ELP4: variants seen among roughly 807,000 people sequenced by gnomAD.
ELP4 encodes the protein elongator complex protein 4.
ELP4 carries 51 observed loss-of-function variants against 48.9 expected under a neutral mutation model. That is an observed-to-expected ratio of 1.04 (90% CI 0.83 to 1.32). ELP4 has a LOEUF of 1.32. Ranked by LOEUF, ELP4 falls within the 40% of genes most tolerant of loss-of-function variation. ELP4 has a pLI of 0.00. For synonymous variants in ELP4, 210 were observed against 189.2 expected (o/e 1.11, Z -0.90); for missense variants, 519 against 514.6 (o/e 1.01, Z -0.08).
intron 3 of ELP4, among the ~76,000 whole-genome samples, chr11:31,545,249 G>A (rs993911497): frequency 8.5e-5 from 13 of 152,094 alleles, no homozygotes; most frequent in Admixed American, 3.3e-4. Flanking sequence ...AAATTGAGAC[G>A]AATGTATAAC....
intron 3 of ELP4, among the ~76,000 whole-genome samples, chr11:31,564,267 T>G (rs1322589052): frequency 6.6e-6 from 1 of 152,192 alleles, no homozygotes; most frequent in African/African-American, 2.4e-5. Context: ...CATTAAGTCA[T>G]TTTTACTTGA....
intron 5 of ELP4, among the ~76,000 whole-genome samples, chr11:31,608,023 G>C (rs1375374176): frequency 7.0e-6 from 1 of 142,678 alleles, no homozygotes; most frequent in Non-Finnish European, 1.5e-5. Context: ...TTTGGAGGTG[G>C]GTAATAGAGT....
intron 2 of ELP4, among the ~76,000 whole-genome samples, chr11:31,531,121 A>G (rs1377870562): frequency 6.6e-6 from 1 of 152,192 alleles, no homozygotes; most frequent in African/African-American, 2.4e-5. Context: ...CTAATCCCTA[A>G]GTAGGTGATC....
intron 9 of ELP4, among the ~76,000 whole-genome samples, chr11:31,698,522 C>T (rs1432765994): frequency 6.6e-6 from 1 of 152,084 alleles, no homozygotes; most frequent in Admixed American, 6.6e-5. Context: ...AAGCGATTCT[C>T]CCTCCTTAGC....
intron 3 of ELP4, among the ~76,000 whole-genome samples, 154 bp downstream of exon 3, chr11:31,539,937 C>T (rs759714144): frequency 2.0e-5 from 3 of 152,068 alleles, no homozygotes; most frequent in Non-Finnish European, 4.4e-5. Context: ...TAAAAAGTAT[C>T]AAATTTATTT....
chr11:31,597,607 A>T (rs1957693619), intron 4 of ELP4, among the ~76,000 whole-genome samples: 1 of 152,084 alleles, frequency 6.6e-6, no homozygotes, highest in African/African-American at 2.4e-5. Flanking sequence ...CCTAAACTCT[A>T]AGTTTAGAGG....
At chr11:31,644,821 C>T (rs564647974) in intron 7 of ELP4, among the ~76,000 whole-genome samples, 12 of 151,730 alleles carry the variant, frequency 7.9e-5, no homozygotes, top group South Asian at 6.2e-4. Context: ...AAAACACATA[C>T]GTTTATAAGC....
At chr11:31,781,671 G>A (rs1948380311) in intron 9 of ELP4, among the ~76,000 whole-genome samples, 1 of 151,562 alleles carries the variant, frequency 6.6e-6, no homozygotes, top group South Asian at 2.1e-4. Flanking sequence ...GCTAATTTTT[G>A]TATTTTTAGT....
intron 9 of ELP4, among the ~76,000 whole-genome samples, chr11:31,743,016 CAG>C (rs1947493609): frequency 6.6e-6 from 1 of 152,108 alleles, no homozygotes; most frequent in Admixed American, 6.5e-5. Context: ...ATCTCACATG[CAG>C]AGACACACAT....
At chr11:31,671,453 G>C (rs1945804968) in intron 9 of ELP4, among the ~76,000 whole-genome samples, 1 of 152,100 alleles carries the variant, frequency 6.6e-6, no homozygotes, top group Non-Finnish European at 1.5e-5. Flanking sequence ...CACATTATCA[G>C]TCATTAAAAG....
chr11:31,667,515 A>G (rs917690077), intron 9 of ELP4, among the ~76,000 whole-genome samples: 3 of 152,202 alleles, frequency 2.0e-5, no homozygotes, highest in African/African-American at 4.8e-5. Context: ...ATTTTTAACA[A>G]ACTTAATCTG....
intron 9 of ELP4, among the ~76,000 whole-genome samples, chr11:31,696,907 A>C (rs1946420382): frequency 6.6e-6 from 1 of 152,184 alleles, no homozygotes. Context: ...TGCCATATTC[A>C]GGAGACTCAT....
chr11:31,787,269 A>G lies in ELP4; in HGVS notation c.*3745A>G, dbSNP rs577003141. The G allele has an allele frequency of 1.3e-5, 3 of 233,060 alleles. No homozygotes were observed. Among genetic ancestry groups the G allele is most frequent in the Admixed American group, 1.1e-4 (2 of 17,800 alleles). 14.4% of individuals were successfully genotyped at this position (233,060 alleles called of 1,614,324 possible). ...CAGACTGTGCTACTTTGCCCTGGCA[A>G]TCCTGACCTTCAGAGCACACATATA... is the stretch of plus-strand genomic sequence containing the variant. On this transcript the variant is annotated 3_prime_UTR_variant, in exon 10 of 10. Transcript: ENST00000640961.
intron 3 of ELP4, among the ~76,000 whole-genome samples, chr11:31,571,289 C>T (rs1386142429): frequency 6.6e-6 from 1 of 152,148 alleles, no homozygotes; most frequent in Non-Finnish European, 1.5e-5. Flanking sequence ...GAGTAGAATC[C>T]ATCTCAAAAA....
intron 3 of ELP4, among the ~76,000 whole-genome samples, chr11:31,543,060 A>C (rs1224375022): frequency 6.6e-6 from 1 of 152,166 alleles, no homozygotes; most frequent in Non-Finnish European, 1.5e-5. Flanking sequence ...AAGATTAGTA[A>C]ATTTGAAGAC....
intron 9 of ELP4, among the ~76,000 whole-genome samples, chr11:31,678,112 G>A (rs377018312): frequency 2.0e-5 from 3 of 151,678 alleles, no homozygotes; most frequent in East Asian, 3.9e-4. Flanking sequence ...ATGTAATTAC[G>A]TAGATTGTAG....
At chr11:31,542,780 C>T (rs556184803) in intron 3 of ELP4, among the ~76,000 whole-genome samples, 1 of 151,916 alleles carries the variant, frequency 6.6e-6, no homozygotes, top group South Asian at 2.1e-4. Flanking sequence ...ACATAATAGA[C>T]ATGCAAAGAA....
chr11:31,735,530 A>C (rs1290391093), intron 9 of ELP4, among the ~76,000 whole-genome samples: 3 of 152,190 alleles, frequency 2.0e-5, no homozygotes, highest in Admixed American at 1.3e-4. Flanking sequence ...AGAGGAAGTC[A>C]AATTGTCCCT....
intron 3 of ELP4, among the ~76,000 whole-genome samples, chr11:31,588,010 C>T (rs890761450): frequency 3.0e-4 from 45 of 152,032 alleles, no homozygotes; most frequent in African/African-American, 9.2e-4. Flanking sequence ...CAAAATTTGA[C>T]GTATTTCTTT....
Sources: allele counts gnomAD v4.1 joint callset (sites outside exome capture counted in the v4.1 genomes callset), GRCh38; gene constraint gnomAD v4.1.1; transcripts MANE v1.5; gene names NCBI Gene and HGNC (gene_info 2026-07-23, HGNC 2026-07-21).